DLG2: variants seen among roughly 807,000 people sequenced by gnomAD.
DLG2 encodes disks large homolog 2.
Under a neutral mutation model 132.5 loss-of-function variants are expected in DLG2, and 45 were observed. That is an observed-to-expected ratio of 0.34 (90% confidence interval 0.27 to 0.44). The LOEUF (loss-of-function observed/expected upper bound fraction) is 0.44, where lower values mean the gene tolerates loss of function less well. DLG2 is among the 20% of genes least tolerant of loss of function. DLG2 has a pLI of 1.00. For synonymous variants in DLG2, 424 were observed against 419.6 expected, an observed-to-expected ratio of 1.01 and a Z score of -0.13; for missense variants, 1,045 against 1,196.9, an observed-to-expected ratio of 0.87 and a Z score of 1.87.
Position 84,055,469 on chromosome 11 carries a change from T to C in DLG2, c.919+3846A>G, listed in dbSNP as rs551390342. 2.3e-4 allele frequency among the ~76,000 whole-genome samples: 35 copies of C among 152,198 alleles called. 1 individual carries two copies. In the South Asian group the frequency reaches 7.3e-3, roughly 32 times the overall value. On this transcript the variant is annotated intron_variant, in intron 11 of 27. Transcript: ENST00000376104. ...CAATATAAACACAAATCTTCAAATA[T>C]GGTGAACAAAGCTAAGCATGATCTG...
intron 5 of DLG2, among the ~76,000 whole-genome samples, chr11:85,139,616 C>T (rs1257743931): frequency 6.6e-6 from 1 of 151,870 alleles, no homozygotes; most frequent in African/African-American, 2.4e-5. Context: ...CATATAGTTA[C>T]CCATTTTTTG....
chr11:83,868,867 T>G (rs925846257), intron 16 of DLG2, among the ~76,000 whole-genome samples: 3 of 152,186 alleles, frequency 2.0e-5, no homozygotes, highest in Non-Finnish European at 4.4e-5. Context: ...GCATTCACAC[T>G]GATTACAAAT....
intron 11 of DLG2, among the ~76,000 whole-genome samples, chr11:84,042,289 A>G (rs1054150539): frequency 6.6e-6 from 1 of 151,742 alleles, no homozygotes; most frequent in African/African-American, 2.4e-5. Context: ...TTTAACTTTG[A>G]TATATCTTAA....
chr11:84,932,768 G>C (rs1316617139), intron 6 of DLG2, among the ~76,000 whole-genome samples: 1 of 152,030 alleles, frequency 6.6e-6, no homozygotes, highest in African/African-American at 2.4e-5. Flanking sequence ...TCTTTGATGG[G>C]CATTTGGGTT....
chr11:83,954,899 ACT>A (rs550931889), intron 14 of DLG2, among the ~76,000 whole-genome samples: 91 of 152,260 alleles, frequency 6.0e-4, no homozygotes, highest in African/African-American at 1.5e-3. Flanking sequence ...AGACTATATG[ACT>A]CTCTGTAATA....
At chr11:84,442,706 A>AAAAG (rs56224511) in intron 7 of DLG2, among the ~76,000 whole-genome samples, 51,744 of 148,794 alleles carry the variant, frequency 0.35, 12,000 homozygotes, top group African/African-American at 0.66. Flanking sequence ...TAATTAAAAA[A>AAAAG]AAAGAAAGAA....
chr11:84,983,728 A>T (rs899401311), intron 6 of DLG2, among the ~76,000 whole-genome samples: 1 of 152,212 alleles, frequency 6.6e-6, no homozygotes, highest in Non-Finnish European at 1.5e-5. Flanking sequence ...AGCCTAATTT[A>T]AGGAAATTTT....
intron 15 of DLG2, among the ~76,000 whole-genome samples, chr11:83,922,037 A>C (rs1436675938): frequency 6.6e-6 from 1 of 152,116 alleles, no homozygotes; most frequent in Non-Finnish European, 1.5e-5. Context: ...AGAGTAAATA[A>C]GAGCTTTTAA....
intron 7 of DLG2, among the ~76,000 whole-genome samples, chr11:84,503,759 C>T (rs2099229665): frequency 6.6e-6 from 1 of 152,116 alleles, no homozygotes; most frequent in Non-Finnish European, 1.5e-5. Flanking sequence ...TAATAAAAAC[C>T]CAGACCTACT....
At chr11:84,420,897 T>C (rs1298884346) in intron 7 of DLG2, among the ~76,000 whole-genome samples, 1 of 151,792 alleles carries the variant, frequency 6.6e-6, no homozygotes, top group East Asian at 1.9e-4. Context: ...CTCGATCTCC[T>C]GACCTCGTGA....
At chr11:85,043,592 C>A (rs1392641705) in intron 6 of DLG2, among the ~76,000 whole-genome samples, 2 of 151,884 alleles carry the variant, frequency 1.3e-5, no homozygotes, top group Non-Finnish European at 2.9e-5. Context: ...ATACATGGAT[C>A]TCTAATTTCC....
chr11:85,009,162 T>C (rs1462504416), intron 6 of DLG2, among the ~76,000 whole-genome samples: 1 of 152,056 alleles, frequency 6.6e-6, no homozygotes, highest in Non-Finnish European at 1.5e-5. Flanking sequence ...AAAGGAATGA[T>C]TGAAACCAAC....
At chr11:84,831,192 C>T (rs1265971787) in intron 6 of DLG2, among the ~76,000 whole-genome samples, 1 of 151,294 alleles carries the variant, frequency 6.6e-6, no homozygotes, top group African/African-American at 2.4e-5. Context: ...AACAAAGAAG[C>T]AGAAAGGCAA....
At chr11:84,302,712 A>G (rs1296011308) in intron 7 of DLG2, among the ~76,000 whole-genome samples, 5 of 152,238 alleles carry the variant, frequency 3.3e-5, no homozygotes. Flanking sequence ...TAAATAATAC[A>G]AATTGTTTTT....
intron 3 of DLG2, among the ~76,000 whole-genome samples, chr11:85,575,888 CTT>C (rs2078129486): frequency 6.6e-6 from 1 of 152,122 alleles, no homozygotes; most frequent in Non-Finnish European, 1.5e-5. Context: ...ATCTGTCTGA[CTT>C]TAACATCTAG....
intron 6 of DLG2, among the ~76,000 whole-genome samples, chr11:85,064,264 C>G (rs896007398): frequency 6.6e-6 from 1 of 151,844 alleles, no homozygotes; most frequent in African/African-American, 2.4e-5. Flanking sequence ...CAAAAATGTT[C>G]TAATAAATTC....
chr11:83,589,006 A>C (rs1206470836), intron 19 of DLG2, among the ~76,000 whole-genome samples: 10 of 147,164 alleles, frequency 6.8e-5, no homozygotes, highest in Admixed American at 3.4e-4. Context: ...GACCAAATCT[A>C]CGTCTGACTG....
chr11:84,846,884 T>A (rs1186151354), intron 6 of DLG2, among the ~76,000 whole-genome samples: 3 of 152,126 alleles, frequency 2.0e-5, no homozygotes, highest in Non-Finnish European at 4.4e-5. Context: ...TATCTATATA[T>A]GTGAGATTTT....
intron 3 of DLG2, among the ~76,000 whole-genome samples, chr11:85,377,784 CATATAT>C (rs35941912): frequency 5.7e-4 from 74 of 130,280 alleles, no homozygotes; most frequent in African/African-American, 1.4e-3. Flanking sequence ...TGTGTGTATA[CATATAT>C]ATATATATAT....
Sources: allele counts gnomAD v4.1 joint callset (sites outside exome capture counted in the v4.1 genomes callset), GRCh38; gene constraint gnomAD v4.1.1; transcripts MANE v1.5; gene names NCBI Gene and HGNC (gene_info 2026-07-23, HGNC 2026-07-21).